Variants in STK32B observed in about 807,000 individuals in gnomAD.
STK32B encodes serine/threonine-protein kinase 32B.
In STK32B, 43 loss-of-function variants were observed where a neutral mutation model predicts 52.6. That is an observed-to-expected ratio of 0.82 (90% confidence interval 0.64 to 1.05). The LOEUF is 1.05. Among genes scored for constraint, STK32B ranks in the 50% least tolerant of loss-of-function variants. STK32B has a pLI of 0.00. For synonymous variants in STK32B, 238 were observed against 204.3 expected (o/e 1.17, Z -1.41); for missense variants, 621 against 534.6 (o/e 1.16, Z -1.59).
intron 3 of STK32B, among the ~76,000 whole-genome samples, chr4:5,217,422 C>T (rs1723247684): frequency 6.6e-6 from 1 of 152,078 alleles, no homozygotes; most frequent in African/African-American, 2.4e-5. Context: ...TGACATTGAC[C>T]ACAGATTTTG....
intron 1 of STK32B, among the ~76,000 whole-genome samples, chr4:5,099,454 G>GTGCGCGTGCGCGCGCACA (rs138682243): frequency 3.1e-5 from 4 of 129,744 alleles, no homozygotes; most frequent in Non-Finnish European, 7.4e-5. Flanking sequence ...GTGTGTGCGC[G>GTGCGCGTGCGCGCGCACA]CGCGCGTATG....
At chr4:5,227,728 T>C (rs73211104) in intron 3 of STK32B, among the ~76,000 whole-genome samples, 22,084 of 152,262 alleles carry the variant, frequency 0.15, 2,118 homozygotes, top group Admixed American at 0.28. Context: ...AGAAGTACTT[T>C]ATATGTACTT....
chr4:5,464,402 T>TGAGA (rs1207328694), intron 9 of STK32B, among the ~76,000 whole-genome samples: 1 of 152,216 alleles, frequency 6.6e-6, no homozygotes, highest in Non-Finnish European at 1.5e-5. Flanking sequence ...TGCAACCCTC[T>TGAGA]GCACGAGTGC....
At chr4:5,441,096 G>C (rs1372973475) in intron 6 of STK32B, among the ~76,000 whole-genome samples, 2 of 149,774 alleles carry the variant, frequency 1.3e-5, no homozygotes, top group African/African-American at 4.9e-5. Flanking sequence ...CCTGGCTTTG[G>C]TATCAGGATG....
intron 3 of STK32B, among the ~76,000 whole-genome samples, chr4:5,186,273 G>A (rs1013952401): frequency 2.0e-5 from 3 of 152,136 alleles, no homozygotes; most frequent in African/African-American, 4.8e-5. Flanking sequence ...GCTCTGTCAC[G>A]GTTATCTGCT....
chr4:5,167,095 C>A (rs1718933827), intron 2 of STK32B, among the ~76,000 whole-genome samples: 1 of 152,174 alleles, frequency 6.6e-6, no homozygotes, highest in Non-Finnish European at 1.5e-5. Context: ...TCCCTCAAAG[C>A]CTCTTCCTTC....
intron 11 of STK32B, among the ~76,000 whole-genome samples, chr4:5,497,523 G>A (rs1299660186): frequency 2.6e-5 from 4 of 152,328 alleles, no homozygotes; most frequent in South Asian, 2.1e-4. Flanking sequence ...CCTACCTGGA[G>A]AGCTGCAAGC....
intron 2 of STK32B, chr4:5,140,407 G>T (rs1468627265): frequency 4.1e-5 from 35 of 854,348 alleles, no homozygotes; most frequent in Non-Finnish European, 4.7e-5. Flanking sequence ...ACTCCCCCCA[G>T]TCAAGCTCCA....
intron 1 of STK32B, among the ~76,000 whole-genome samples, chr4:5,100,398 T>TTCCTTCCTTCTTCCTTCCTTCTTCC (rs1368527956): frequency 2.5e-4 from 33 of 133,228 alleles, no homozygotes; most frequent in African/African-American, 9.2e-4. Context: ...TCCTTCCTTC[T>TTCCTTCCTTCTTCCTTCCTTCTTCC]TTCCTTCCTC....
chr4:5,316,209 T>G (rs1357831240), intron 3 of STK32B, among the ~76,000 whole-genome samples: 2 of 75,194 alleles, frequency 2.7e-5, no homozygotes, highest in Non-Finnish European at 4.1e-5. Flanking sequence ...ATATAATATA[T>G]ATTACATAAT....
chr4:5,373,760 T>C (rs1232454820), intron 4 of STK32B, among the ~76,000 whole-genome samples: 4 of 152,214 alleles, frequency 2.6e-5, no homozygotes, highest in Non-Finnish European at 5.9e-5. Flanking sequence ...CAGTCTTCTC[T>C]GCCATTCTCA....
At chr4:5,315,651 C>T (rs576983758) in intron 3 of STK32B, among the ~76,000 whole-genome samples, 1 of 150,778 alleles carries the variant, frequency 6.6e-6, no homozygotes, top group Non-Finnish European at 1.5e-5. Flanking sequence ...TGGAGTAAGG[C>T]AATTCTTGAG....
chr4:5,493,206 T>G (rs1719901139), intron 11 of STK32B, among the ~76,000 whole-genome samples: 1 of 152,150 alleles, frequency 6.6e-6, no homozygotes, highest in Admixed American at 6.5e-5. Context: ...ATCCATCTGG[T>G]CCTGGACTCT....
At position 5,449,644 on chromosome 4, in the gene STK32B, G is replaced by A. The variant is rs191731545; in HGVS notation, c.666+2868G>A. On this transcript the variant is annotated intron_variant, in intron 7 of 11. Coordinates refer to ENST00000282908, the MANE Select transcript of STK32B (RefSeq NM_018401.3). Reference sequence around the variant, plus strand: ...GCAGAGCAGGGGGTGAAGGTGAATGGCAAGTGAGCCAGGGAAGCTTCCTCT... The same window carrying A: ...GCAGAGCAGGGGGTGAAGGTGAATGACAAGTGAGCCAGGGAAGCTTCCTCT... 1.6e-3 allele frequency among the ~76,000 whole-genome samples: 250 copies of A among 152,240 alleles called. 3 individuals are homozygous for A. The highest frequency in any genetic ancestry group is 3.7e-4 in the Non-Finnish European group (25 of 68,014).
At position 5,449,774 on chromosome 4, in the gene STK32B, ACTGTG is replaced by A. The variant is rs1307214912; in HGVS notation, c.666+3000_666+3004del. Among the ~76,000 whole-genome samples the A allele has an allele frequency of 2.0e-5, 3 of 152,290 alleles. No individual in the cohort carries two copies. In the East Asian group the frequency reaches 5.8e-4, roughly 29 times the overall value. ...CATGGGAGTGCAAACCCTCTTGTGAACTGTGCATGCGAGGGACCTAGGGTGCGTGC... is the reference window on the plus strand; with the variant it reads ...CATGGGAGTGCAAACCCTCTTGTGAACATGCGAGGGACCTAGGGTGCGTGC... On this transcript the variant is annotated intron_variant, in intron 7 of 11. Coordinates refer to ENST00000282908, the MANE Select transcript of STK32B (RefSeq NM_018401.3).
At chr4:5,184,837 G>A (rs940305035) in intron 3 of STK32B, among the ~76,000 whole-genome samples, 4 of 152,164 alleles carry the variant, frequency 2.6e-5, no homozygotes, top group Admixed American at 6.5e-5. Context: ...ACATGGCACC[G>A]ATGGATGTGC....
At chr4:5,084,879 A>T (rs1712631872) in intron 1 of STK32B, among the ~76,000 whole-genome samples, 1 of 152,328 alleles carries the variant, frequency 6.6e-6, no homozygotes, top group East Asian at 1.9e-4. Flanking sequence ...CTTTGTAATG[A>T]TAATCTGTAG....
intron 1 of STK32B, among the ~76,000 whole-genome samples, chr4:5,099,004 G>C (rs889696181): frequency 5.3e-5 from 8 of 152,164 alleles, no homozygotes; most frequent in Non-Finnish European, 1.5e-5. Context: ...CTGGAGGTCA[G>C]ATGTCTACAG....
At chr4:5,272,531 G>A (rs552358468) in intron 3 of STK32B, among the ~76,000 whole-genome samples, 8 of 151,258 alleles carry the variant, frequency 5.3e-5, no homozygotes, top group South Asian at 2.1e-4. Flanking sequence ...AAATGAGTTA[G>A]GGAGGATTCC....
Sources: gnomAD v4.1 joint callset for allele counts (sites outside exome capture counted in the v4.1 genomes callset) on GRCh38, gnomAD v4.1.1 for gene constraint, MANE v1.5 for transcripts, NCBI Gene and HGNC (gene_info 2026-07-23, HGNC 2026-07-21) for gene names.